The following IFFO2 variants were observed in gnomAD, a reference collection of about 807,000 sequenced individuals.
IFFO2 encodes intermediate filament family orphan 2.
Under a neutral mutation model 53.5 loss-of-function variants are expected in IFFO2, and 19 were observed. That is an observed-to-expected ratio of 0.36 (90% confidence interval 0.25 to 0.52). The LOEUF is 0.52. Ranked by LOEUF, IFFO2 falls within the 20% of genes least tolerant of loss-of-function variation. The pLI is 0.94. For synonymous variants in IFFO2, 303 were observed against 313.6 expected (o/e 0.97, Z 0.36); for missense variants, 570 against 727.4 (o/e 0.78, Z 2.49).
At chr1:18,914,759 G>T (rs981166600) in intron 5 of IFFO2, among the ~76,000 whole-genome samples, 4 of 149,274 alleles carry the variant, frequency 2.7e-5, no homozygotes, top group African/African-American at 7.5e-5. Context: ...GGAGGTGGAA[G>T]CTGCAGTGAG....
chr1:18,913,624 C>T (rs908555191), intron 5 of IFFO2, among the ~76,000 whole-genome samples: 6 of 152,196 alleles, frequency 3.9e-5, no homozygotes, highest in Non-Finnish European at 8.8e-5. Flanking sequence ...AACTGTAACA[C>T]GGCTGCATTA....
chr1:18,910,918 T>C (rs1189367041), intron 7 of IFFO2, among the ~76,000 whole-genome samples: 3 of 152,260 alleles, frequency 2.0e-5, no homozygotes, highest in Admixed American at 1.3e-4. Flanking sequence ...AGTGATCACA[T>C]GCACAGCCTC....
At chr1:18,931,605 G>A (rs1936375847) in intron 1 of IFFO2, among the ~76,000 whole-genome samples, 1 of 152,184 alleles carries the variant, frequency 6.6e-6, no homozygotes, top group Non-Finnish European at 1.5e-5. Context: ...TCTTCTACGA[G>A]AAGGGAAGAA....
Position 18,919,353 on chromosome 1 carries a change from C to A in IFFO2, c.822+325G>T, listed in dbSNP as rs1411650956. ...CAGACGCCCTGCTACGCCCAGACAC[C>A]GAGGCCTGCCCTCATCAAGGCGAGC... On this transcript the variant is annotated intron_variant, in intron 3 of 8. Transcript: ENST00000455833. This position sits in a 1 kb window ranked among gnomAD's most constrained non-coding sequence, Gnocchi z 4.9. Among the ~76,000 whole-genome samples, 1 of 152,204 alleles carries A rather than the reference C, an allele frequency of 6.6e-6. No individual in the cohort carries two copies. Among genetic ancestry groups the A allele is most frequent in the Non-Finnish European group, 1.5e-5 (1 of 68,038 alleles).
intron 1 of IFFO2, among the ~76,000 whole-genome samples, chr1:18,946,895 T>A (rs543928022): frequency 2.6e-5 from 4 of 152,370 alleles, no homozygotes; most frequent in African/African-American, 9.6e-5. Flanking sequence ...AAATGTTGTA[T>A]AAATATTTAA....
chr1:18,931,032 C>T (rs1936368904), intron 1 of IFFO2, among the ~76,000 whole-genome samples: 1 of 152,140 alleles, frequency 6.6e-6, no homozygotes, highest in South Asian at 2.1e-4. Flanking sequence ...ATTAGCCAGG[C>T]ATGGTGGCAC....
At chr1:18,913,827 T>TTTTGTGTG (rs1936085092) in intron 5 of IFFO2, among the ~76,000 whole-genome samples, 1 of 147,966 alleles carries the variant, frequency 6.8e-6, no homozygotes, top group African/African-American at 2.6e-5. Flanking sequence ...GTTGTTGTTT[T>TTTTGTGTG]TTTGTTTGTT....
intron 1 of IFFO2, 135 bp from the exon 2 acceptor site, chr1:18,921,256 G>T (rs1936212448): frequency 2.6e-6 from 2 of 759,100 alleles, no homozygotes; most frequent in Non-Finnish European, 4.6e-6. Context: ...ATCCATCCCT[G>T]CCTGCCCTCT....
chr1:18,954,147 G>GTGTA (rs1553159530), intron 1 of IFFO2, among the ~76,000 whole-genome samples: 1 of 152,238 alleles, frequency 6.6e-6, no homozygotes, highest in Non-Finnish European at 1.5e-5. Flanking sequence ...TCCCAGTGGA[G>GTGTA]TGTAAGACCT....
rs1359188155 is a variant in IFFO2 at position 18,918,661 on chromosome 1, C to A, written c.823-159G>T. Among the ~76,000 whole-genome samples, 1 of 142,314 alleles carries A rather than the reference C, an allele frequency of 7.0e-6. No individual in the cohort carries two copies. Among genetic ancestry groups the A allele is most frequent in the African/African-American group, 2.6e-5 (1 of 38,740 alleles). The allele number at this position is 142,314 out of a possible 152,430, so 93.4% of individuals were successfully genotyped here. ...GGCTTTTCCGTGGAGTGGAGGGCTG[C>A]GGCGGCACTGGTCAGGGTGGGATGG... On this transcript the variant is annotated intron_variant, in intron 3 of 8. Coordinates refer to ENST00000455833, the MANE Select transcript of IFFO2 (RefSeq NM_001136265.2). This position sits in a 1 kb window ranked among gnomAD's most constrained non-coding sequence, Gnocchi z 5.2.
chr1:18,956,145 C>A lies in IFFO2; in HGVS notation c.188G>T (p.Arg63Leu). The change falls in exon 1 of 9, where the codon CGC (arginine) becomes CTC (leucine). Residue 63 changes from arginine to leucine, a missense_variant. Transcript: ENST00000455833. The surrounding 1 kb of genome is among the most constrained non-coding windows in gnomAD (Gnocchi z 6.4). The stretch of plus-strand genomic sequence containing the variant: ...CACCTTAGCCAGGAAGCAGCGGAAG[C>A]GCACGTTGAGCCCCTTCAAGAGGTG... ...NIHLLKGLNV[R>L]FRCFLAKVHE... 1 of 1,501,308 alleles carries A rather than the reference C, an allele frequency of 6.7e-7. No individual in the cohort carries two copies. The highest frequency in any genetic ancestry group is 9.0e-7 in the Non-Finnish European group (1 of 1,117,128). 93.0% of individuals were successfully genotyped at this position (1,501,308 alleles called of 1,614,324 possible). A position where few individuals can be genotyped will look rare whatever the true frequency, so the allele number is the denominator to read the frequency against.
intron 1 of IFFO2, among the ~76,000 whole-genome samples, chr1:18,951,177 A>C: frequency 6.6e-6 from 1 of 152,192 alleles, no homozygotes; most frequent in South Asian, 2.1e-4. Context: ...CTTTTTGGAC[A>C]GTCTGGGAGT....
intron 1 of IFFO2, among the ~76,000 whole-genome samples, chr1:18,943,622 T>C (rs1936547937): frequency 6.6e-6 from 1 of 152,062 alleles, no homozygotes. Flanking sequence ...ACCCTGTGGG[T>C]ATCATCATCC....
At chr1:18,911,507 T>TCTTA in intron 6 of IFFO2, 31 bp from the exon 7 acceptor site, 1 of 527,554 alleles carries the variant, frequency 1.9e-6, no homozygotes, top group Non-Finnish European at 2.9e-6. Context: ...GGACAGTTTA[T>TCTTA]TTTATTTATT....
rs1300148067 is a variant in IFFO2 at position 18,916,040 on chromosome 1, A to G, written c.1103+863T>C. Among the ~76,000 whole-genome samples the G allele has an allele frequency of 1.3e-5, 2 of 151,804 alleles. No homozygotes were observed. The highest frequency in any genetic ancestry group is 1.3e-4 in the Admixed American group (2 of 15,236). On this transcript the variant is annotated intron_variant, in intron 5 of 8. Coordinates refer to ENST00000455833, the MANE Select transcript of IFFO2 (RefSeq NM_001136265.2). This position sits in a 1 kb window ranked among gnomAD's most constrained non-coding sequence, Gnocchi z 4.3. ...CTTGGGAGGCTGAGGCAGGAGAAAC[A>G]CTGGAACCCGGGAGGCAGAGGTTGC... is the stretch of plus-strand genomic sequence containing the variant.
intron 5 of IFFO2, among the ~76,000 whole-genome samples, chr1:18,913,904 C>T (rs922704785): frequency 6.6e-6 from 1 of 152,182 alleles, no homozygotes; most frequent in Non-Finnish European, 1.5e-5. Flanking sequence ...GATCTCGGCT[C>T]ACTGCAGGCT....
chr1:18,945,623 G>C (rs1277816835), intron 1 of IFFO2, among the ~76,000 whole-genome samples: 1 of 152,268 alleles, frequency 6.6e-6, no homozygotes, highest in Admixed American at 6.5e-5. Context: ...ACACATCCCA[G>C]AGTCGGAGCA....
intron 6 of IFFO2, among the ~76,000 whole-genome samples, chr1:18,911,758 C>T (rs1301650826): frequency 6.6e-6 from 1 of 152,056 alleles, no homozygotes; most frequent in Non-Finnish European, 1.5e-5. Flanking sequence ...AGGCTGGTCT[C>T]GAACTCCCAA....
At chr1:18,942,378 T>C (rs1205349985) in intron 1 of IFFO2, among the ~76,000 whole-genome samples, 1 of 151,802 alleles carries the variant, frequency 6.6e-6, no homozygotes, top group African/African-American at 2.4e-5. Context: ...TTTTTATGTG[T>C]ACAAATTGGG....
Sources: allele counts gnomAD v4.1 joint callset (sites outside exome capture counted in the v4.1 genomes callset), GRCh38; gene constraint gnomAD v4.1.1; non-coding constraint Gnocchi (gnomAD v3.1); transcripts MANE v1.5; gene names NCBI Gene and HGNC (gene_info 2026-07-23, HGNC 2026-07-21).